ECT2: variants seen among roughly 807,000 people sequenced by gnomAD.
ECT2 encodes protein ECT2.
Under a neutral mutation model 116.9 loss-of-function variants are expected in ECT2, and 61 were observed. The ratio of observed to expected loss-of-function variants is 0.52; its 90% CI spans 0.42 to 0.65. ECT2 has a LOEUF of 0.65. ECT2 is among the 30% of genes least tolerant of loss of function. The pLI, the probability that ECT2 is intolerant of heterozygous loss-of-function variation, is 0.00. For missense variants in ECT2, 937 were observed against 1,078.7 expected, an observed-to-expected ratio of 0.87 and a Z score of 1.84; for synonymous variants, 358 against 346.4, an observed-to-expected ratio of 1.03 and a Z score of -0.37.
intron 18 of ECT2, among the ~76,000 whole-genome samples, chr3:172,792,214 A>T (rs1275832405): frequency 6.6e-6 from 1 of 152,244 alleles, no homozygotes; most frequent in Non-Finnish European, 1.5e-5. Context: ...GAAAGTTTGA[A>T]GTATTGAGAG....
chr3:172,811,428 A>G (rs1344963485), intron 22 of ECT2, among the ~76,000 whole-genome samples: 8 of 152,182 alleles, frequency 5.3e-5, no homozygotes, highest in African/African-American at 1.9e-4. Flanking sequence ...AACTAGCAAT[A>G]TGTTCACCCT....
chr3:172,783,211 G>A (rs533554252), intron 15 of ECT2, among the ~76,000 whole-genome samples: 12 of 152,254 alleles, frequency 7.9e-5, no homozygotes, highest in Admixed American at 2.6e-4. Flanking sequence ...GTAAGTTTCA[G>A]TGCCTTGAGT....
At chr3:172,756,232 A>G (rs1332285418) in intron 4 of ECT2, among the ~76,000 whole-genome samples, 2 of 152,228 alleles carry the variant, frequency 1.3e-5, no homozygotes, top group African/African-American at 2.4e-5. Context: ...TACATAATTT[A>G]GCACATCACA....
At chr3:172,824,396 C>T (rs1195243490), downstream of ECT2, among the ~76,000 whole-genome samples, 4 of 151,972 alleles carry the variant, frequency 2.6e-5, no homozygotes, top group Admixed American at 6.6e-5. Flanking sequence ...GGGAGAGAGA[C>T]GGGGAAGGTG....
rs539209207 is a variant in ECT2, at chr3:172,756,737, T to C, written c.304-246T>C. 1.6e-3 allele frequency among the ~76,000 whole-genome samples: 247 copies of C among 152,302 alleles called. 1 individual carries two copies. Among genetic ancestry groups the C allele is most frequent in the African/African-American group, 5.7e-3 (236 of 41,582 alleles). ...ATAAGTCAGAATTATGCCTTTATAA[T>C]ACTGATCTTTAAAATTTAAGAACTT... On this transcript the variant is annotated intron_variant, in intron 4 of 24. Transcript: ENST00000392692.
At chr3:172,795,785 C>T (rs1446850356) in intron 18 of ECT2, among the ~76,000 whole-genome samples, 1 of 151,928 alleles carries the variant, frequency 6.6e-6, no homozygotes, top group Non-Finnish European at 1.5e-5. Flanking sequence ...ATAGAGAGCT[C>T]ATTAAATGCC....
chr3:172,774,422 C>G (rs1434777921), intron 14 of ECT2, among the ~76,000 whole-genome samples: 1 of 152,084 alleles, frequency 6.6e-6, no homozygotes, highest in Non-Finnish European at 1.5e-5. Flanking sequence ...TGGTTTCGAA[C>G]TCCTGACCTC....
At position 172,792,644 on chromosome 3, in the gene ECT2, G is replaced by A. The variant is rs371909847; in HGVS notation, c.1907+6070G>A. ...GCTGTGAAAATTTGTGAACAAGCTT[G>A]TATAGACATATGCCTTCATTTCTCT... On this transcript the variant is annotated intron_variant, in intron 18 of 24. Transcript: ENST00000392692. Among the ~76,000 whole-genome samples the A allele has an allele frequency of 2.0e-4, 30 of 152,228 alleles. No homozygotes were observed. The East Asian group carries it at 2.1e-3, about 11-fold the overall frequency.
intron 12 of ECT2, among the ~76,000 whole-genome samples, chr3:172,768,731 G>C (rs1296415755): frequency 1.3e-5 from 2 of 152,140 alleles, no homozygotes; most frequent in Non-Finnish European, 2.9e-5. Flanking sequence ...CTCTAACCTG[G>C]AACAGTTCCT....
At chr3:172,795,035 T>C (rs1725363030) in intron 18 of ECT2, among the ~76,000 whole-genome samples, 2 of 152,222 alleles carry the variant, frequency 1.3e-5, no homozygotes, top group African/African-American at 4.8e-5. Context: ...TTAAATCTTC[T>C]GATTTATGAA....
intron 18 of ECT2, among the ~76,000 whole-genome samples, chr3:172,792,022 A>C (rs1335309813): frequency 6.6e-6 from 1 of 152,100 alleles, no homozygotes; most frequent in African/African-American, 2.4e-5. Context: ...GGGAATGGAG[A>C]AGCAAGAGGA....
chr3:172,789,057 C>CAAAAAA (rs71162310), intron 18 of ECT2, among the ~76,000 whole-genome samples: 2 of 99,556 alleles, frequency 2.0e-5, no homozygotes, highest in African/African-American at 9.1e-5. Flanking sequence ...GACTCTGTCT[C>CAAAAAA]AAAAAAAAAA....
In ECT2 at chr3:172,762,826, G is replaced by T; in HGVS notation, c.1005+20G>T. On this transcript the variant is annotated intron_variant, in intron 10 of 24. Coordinates refer to ENST00000392692, the MANE Select transcript of ECT2 (RefSeq NM_001258315.2). ...CAAGAGGCAAGTAATTCTAGAATGA[G>T]GTTGGTTTTTAAAAACACTATTAAT... 6.2e-7 allele frequency: 1 copy of T among 1,609,550 alleles called. No homozygotes were observed. The highest frequency in any genetic ancestry group is 1.1e-5 in the South Asian group (1 of 90,266).
downstream of ECT2, among the ~76,000 whole-genome samples, chr3:172,823,594 C>A (rs1730772288): frequency 6.6e-6 from 1 of 152,068 alleles, no homozygotes; most frequent in South Asian, 2.1e-4. Flanking sequence ...TGCAGATCAC[C>A]ACAATAAAGC....
chr3:172,816,065 T>G (rs1217065542), intron 23 of ECT2, among the ~76,000 whole-genome samples: 1 of 152,182 alleles, frequency 6.6e-6, no homozygotes, highest in Non-Finnish European at 1.5e-5. Flanking sequence ...GACTATCTAT[T>G]CCTGACTCTA....
rs201951082 is a variant in ECT2 at position 172,760,432 on chromosome 3, CTTTCT to C, written c.684+188_684+192del. On this transcript the variant is annotated intron_variant, in intron 7 of 24. Transcript: ENST00000392692. ...TAAATCATAAGAGTGGTTAAATTTT[CTTTCT>C]TTTCTTTTCTTTTCTTTTTTTTTAA... 8.6e-3 allele frequency among the ~76,000 whole-genome samples: 1,308 copies of C among 151,774 alleles called. 17 individuals are homozygous for C. Among genetic ancestry groups the C allele is most frequent in the African/African-American group, 0.029 (1,190 of 41,362 alleles).
chr3:172,770,691 T>C (rs1720458546), intron 13 of ECT2, among the ~76,000 whole-genome samples: 1 of 152,178 alleles, frequency 6.6e-6, no homozygotes, highest in Admixed American at 6.5e-5. Context: ...TATTTTCCTT[T>C]TTGGGGGGAT....
At chr3:172,769,371 A>G (rs1376858873) in intron 13 of ECT2, among the ~76,000 whole-genome samples, 1 of 152,316 alleles carries the variant, frequency 6.6e-6, no homozygotes, top group East Asian at 1.9e-4. Flanking sequence ...TTTAAAGAGA[A>G]CAGAACTCAG....
At chr3:172,794,614 C>T (rs1725278120) in intron 18 of ECT2, among the ~76,000 whole-genome samples, 1 of 149,158 alleles carries the variant, frequency 6.7e-6, no homozygotes, top group Non-Finnish European at 1.5e-5. Flanking sequence ...AGCATCTTGT[C>T]AGTTTCCAAA....
Sources: gnomAD v4.1 joint callset for allele counts (sites outside exome capture counted in the v4.1 genomes callset) on GRCh38, gnomAD v4.1.1 for gene constraint, MANE v1.5 for transcripts, NCBI Gene and HGNC (gene_info 2026-07-23, HGNC 2026-07-21) for gene names.